Variants in RPP30 observed in about 807,000 individuals in gnomAD.
The protein encoded by RPP30 is ribonuclease P/MRP subunit p30.
In RPP30, 36 loss-of-function variants were observed where a neutral mutation model predicts 38.6. The ratio of observed to expected loss-of-function variants is 0.93; its 90% confidence interval spans 0.71 to 1.23. The LOEUF (loss-of-function observed/expected upper bound fraction) is 1.23, where lower values mean the gene tolerates loss of function less well. Among genes scored for constraint, RPP30 ranks in the 50% most tolerant of loss-of-function variants. RPP30 has a pLI of 0.00. For missense variants in RPP30, 321 were observed against 321.7 expected (o/e 1.00, Z 0.02); for synonymous variants, 126 against 112.7 (o/e 1.12, Z -0.75).
chr10:90,902,459 G>T, downstream of RPP30: 1 of 198,908 alleles, frequency 5.0e-6, no homozygotes, highest in Non-Finnish European at 1.1e-5. Context: ...GATTCAAGCA[G>T]TCTGTCCGCC....
intron 6 of RPP30, among the ~76,000 whole-genome samples, chr10:90,892,583 A>T (rs1020100271): frequency 1.3e-5 from 2 of 152,146 alleles, no homozygotes; most frequent in African/African-American, 4.8e-5. Context: ...ATATTTCGAG[A>T]TCTAAGCATC....
At chr10:90,875,005 G>T (rs1690168367) in intron 2 of RPP30, 81 bp downstream of exon 2, 2 of 871,086 alleles carry the variant, frequency 2.3e-6, no homozygotes, top group South Asian at 1.9e-5. Flanking sequence ...GGAAGCTACA[G>T]ATTAGAATAT....
At chr10:90,876,969 C>A (rs61481895) in intron 4 of RPP30, among the ~76,000 whole-genome samples, 42,028 of 151,802 alleles carry the variant, frequency 0.28, 6,933 homozygotes, top group African/African-American at 0.47. Context: ...CCATACAAAC[C>A]AGCAGGTTTG....
chr10:90,882,523 C>T (rs961254140), intron 5 of RPP30, among the ~76,000 whole-genome samples: 1 of 151,942 alleles, frequency 6.6e-6, no homozygotes, highest in Admixed American at 6.6e-5. Context: ...ATTAGCCAGG[C>T]ATGGTGGCGG....
intron 1 of RPP30, 73 bp downstream of exon 1, chr10:90,872,141 A>C: frequency 8.0e-7 from 1 of 1,250,058 alleles, no homozygotes; most frequent in Non-Finnish European, 1.2e-6. Context: ...CGGAGTAACT[A>C]TTTCCTGATG....
downstream of RPP30, among the ~76,000 whole-genome samples, chr10:90,907,521 T>A (rs947903723): frequency 9.9e-5 from 15 of 152,220 alleles, no homozygotes; most frequent in Non-Finnish European, 4.4e-5. Context: ...ACTATGCGTA[T>A]ACACTCTCCC....
chr10:90,891,981 G>A (rs1048725304), intron 6 of RPP30, among the ~76,000 whole-genome samples: 3 of 152,190 alleles, frequency 2.0e-5, no homozygotes, highest in African/African-American at 7.2e-5. Context: ...CAGGGAATCA[G>A]TATATTGTCC....
chr10:90,880,090 G>T (rs944393271), intron 5 of RPP30: 10 of 135,860 alleles, frequency 7.4e-5, no homozygotes, highest in Non-Finnish European at 1.1e-4. Flanking sequence ...GTAGAACAAG[G>T]AATTCAACCT....
downstream of RPP30, chr10:90,905,578 G>C (rs1190566051): frequency 6.6e-6 from 1 of 152,192 alleles, no homozygotes; most frequent in Non-Finnish European, 1.5e-5. Context: ...ATCCTAATTT[G>C]AAATGCTGCT....
At chr10:90,889,012 C>A (rs892150513) in intron 6 of RPP30, among the ~76,000 whole-genome samples, 4 of 151,932 alleles carry the variant, frequency 2.6e-5, no homozygotes, top group Non-Finnish European at 4.4e-5. Context: ...GCAGAAGAGT[C>A]CCTGTTAATT....
chr10:90,905,868 T>C (rs1156736306), downstream of RPP30: 1 of 152,220 alleles, frequency 6.6e-6, no homozygotes, highest in Admixed American at 6.5e-5. Flanking sequence ...ATAAGGATAT[T>C]CACTGCAACA....
chr10:90,903,068 A>G (rs915899518), downstream of RPP30: 32 of 678,058 alleles, frequency 4.7e-5, no homozygotes, highest in Admixed American at 8.0e-5. Flanking sequence ...AGGTTTGGAA[A>G]AGAGTCATTA....
At chr10:90,877,022 G>A (rs985246319) in intron 4 of RPP30, among the ~76,000 whole-genome samples, 4 of 152,086 alleles carry the variant, frequency 2.6e-5, no homozygotes, top group East Asian at 1.9e-4. Flanking sequence ...AAAAGAGCCC[G>A]TCAAAAAAGA....
chr10:90,894,388 G>T (rs1433488187), intron 6 of RPP30, among the ~76,000 whole-genome samples: 1 of 152,106 alleles, frequency 6.6e-6, no homozygotes, highest in Non-Finnish European at 1.5e-5. Flanking sequence ...TCATAGGTCA[G>T]ATTACTTGGT....
chr10:90,900,923 C>T lies in RPP30; in HGVS notation c.*244C>T. 1 of 1,207,476 alleles carries T rather than the reference C, an allele frequency of 8.3e-7. No individual in the cohort carries two copies. Among genetic ancestry groups the T allele is most frequent in the Non-Finnish European group, 1.0e-6 (1 of 970,688 alleles). The allele number at this position is 1,207,476 out of a possible 1,614,324, so 74.8% of individuals were successfully genotyped here. A position where few individuals can be genotyped will look rare whatever the true frequency, so the allele number is the denominator to read the frequency against. ...TAAGAGAGAAAGACTGGTTATTTCTCCTTTGTGTAAGTGATAAACAACAGC... is the reference window on the plus strand; with the variant it reads ...TAAGAGAGAAAGACTGGTTATTTCTTCTTTGTGTAAGTGATAAACAACAGC... On this transcript the variant is annotated 3_prime_UTR_variant, in exon 11 of 11. Coordinates refer to ENST00000371703, the MANE Select transcript of RPP30 (RefSeq NM_006413.5).
chr10:90,901,138 CT>C lies in RPP30; in HGVS notation c.*460del. On this transcript the variant is annotated 3_prime_UTR_variant, in exon 11 of 11. Transcript: ENST00000371703. Reference sequence around the variant, plus strand: ...TACAGGTGTGCACTACCACACCTGGCTATTTTTTTTTTTTTTTTTTTTTTCC... The same window carrying C: ...TACAGGTGTGCACTACCACACCTGGCATTTTTTTTTTTTTTTTTTTTTTCC... The C allele has an allele frequency of 4.2e-6, 1 of 235,994 alleles. No individual in the cohort carries two copies. Among genetic ancestry groups the C allele is most frequent in the Non-Finnish European group, 6.5e-6 (1 of 152,994 alleles). 14.6% of individuals were successfully genotyped at this position (235,994 alleles called of 1,614,324 possible).
chr10:90,902,589 T>C (rs893875097), downstream of RPP30, among the ~76,000 whole-genome samples: 1 of 152,172 alleles, frequency 6.6e-6, no homozygotes, highest in African/African-American at 2.4e-5. Context: ...AAAATCAGAA[T>C]ATTTTTAATA....
chr10:90,879,089 CTA>C lies in RPP30; in HGVS notation c.299_300del (p.Tyr100Ter), dbSNP rs1420085128. ...GAGCAACTTCTTCAAGGGCCCGGCT[CTA>C]TGATGTTGTTGCAGTTTTTCCAAAG... ...LRATSSRARL[Y>X]DVVAVFPKTE... On this transcript the variant is annotated frameshift_variant, in exon 5 of 11. Coordinates refer to ENST00000371703, the MANE Select transcript of RPP30 (RefSeq NM_006413.5). LOFTEE classifies it high-confidence loss of function. The C allele has an allele frequency of 2.5e-6, 4 of 1,614,008 alleles. No individual in the cohort carries two copies. The highest frequency in any genetic ancestry group is 3.4e-6 in the Non-Finnish European group (4 of 1,179,966).
chr10:90,874,494 A>T (rs764728751), intron 1 of RPP30, among the ~76,000 whole-genome samples: 4 of 152,256 alleles, frequency 2.6e-5, no homozygotes, highest in Non-Finnish European at 5.9e-5. Flanking sequence ...ATGACATTTG[A>T]AAAGGAGAAG....
Sources: allele counts gnomAD v4.1 joint callset (sites outside exome capture counted in the v4.1 genomes callset), GRCh38; gene constraint gnomAD v4.1.1; transcripts MANE v1.5; gene names NCBI Gene and HGNC (gene_info 2026-07-23, HGNC 2026-07-21).